GALK2: variants seen among roughly 807,000 people sequenced by gnomAD.
GALK2 encodes N-acetylgalactosamine kinase.
A neutral mutation model predicts 52.4 loss-of-function variants in GALK2; 36 were observed. The ratio of observed to expected loss-of-function variants is 0.69; its 90% CI spans 0.53 to 0.91. GALK2 has a LOEUF of 0.91. Among genes scored for constraint, GALK2 ranks in the 40% least tolerant of loss-of-function variants. The probability of loss-of-function intolerance (pLI) is 0.00; values close to 1 mark genes in which losing one functional copy is unlikely to be tolerated. For synonymous variants in GALK2, 176 were observed against 199.1 expected, an observed-to-expected ratio of 0.88 and a Z score of 0.98; for missense variants, 579 against 559.1, an observed-to-expected ratio of 1.04 and a Z score of -0.36.
intron 5 of GALK2, among the ~76,000 whole-genome samples, chr15:49,254,534 ATATT>A (rs1417432069): frequency 6.9e-6 from 1 of 144,172 alleles, no homozygotes; most frequent in Admixed American, 7.0e-5. Context: ...ATTTGTATTT[ATATT>A]TATTTTCATG....
chr15:49,210,864 A>G (rs1163239307), intron 2 of GALK2, among the ~76,000 whole-genome samples: 1 of 151,914 alleles, frequency 6.6e-6, no homozygotes, highest in African/African-American at 2.4e-5. Flanking sequence ...CTTGTGCTTC[A>G]GCGTCCTGAG....
At chr15:49,181,179 T>C (rs763905852) in intron 1 of GALK2, among the ~76,000 whole-genome samples, 1 of 148,434 alleles carries the variant, frequency 6.7e-6, no homozygotes, top group African/African-American at 2.5e-5. Context: ...GGCACAATTA[T>C]GGCTCACTGC....
intron 2 of GALK2, among the ~76,000 whole-genome samples, chr15:49,208,862 T>C (rs2088554728): frequency 6.6e-6 from 1 of 152,238 alleles, no homozygotes; most frequent in South Asian, 2.1e-4. Flanking sequence ...ATCTTTAGGA[T>C]TGTGATATTT....
chr15:49,195,997 A>T (rs1009780315), intron 1 of GALK2, among the ~76,000 whole-genome samples: 2 of 152,088 alleles, frequency 1.3e-5, no homozygotes, highest in African/African-American at 4.8e-5. Flanking sequence ...TCTGTTTAGT[A>T]GTATTTTCCC....
chr15:49,361,360 A>G (rs1220774529), intron 3 of GALK2, among the ~76,000 whole-genome samples: 1 of 151,788 alleles, frequency 6.6e-6, no homozygotes, highest in Admixed American at 6.6e-5. Flanking sequence ...AATAAGCATA[A>G]TACCCAGTAG....
Position 49,217,225 on chromosome 15 carries a change from C to G in GALK2, c.178C>G (p.Pro60Ala). ...AGATTATTGTGGATATTCTGTTCTT[C>G]CTATGGCTGTAGAACAAGATGTGCT... Reference protein sequence around the residue: ...HIDYCGYSVLPMAVEQDVLIA... With the variant: ...HIDYCGYSVLAMAVEQDVLIA... Residue 60 changes from proline (P) to alanine (A), a missense_variant, in exon 3 of 10, where the codon CCT becomes GCT. Coordinates refer to ENST00000560031, the MANE Select transcript of GALK2 (RefSeq NM_002044.4). 1 of 1,612,228 alleles carries G rather than the reference C, an allele frequency of 6.2e-7. No homozygotes were observed. Among genetic ancestry groups the G allele is most frequent in the Middle Eastern group, 1.7e-4 (1 of 6,060 alleles).
intron 3 of GALK2, among the ~76,000 whole-genome samples, chr15:49,361,178 C>T (rs568257638): frequency 6.6e-6 from 1 of 151,970 alleles, no homozygotes; most frequent in Middle Eastern, 3.2e-3. Flanking sequence ...TAAATATATA[C>T]AATTATAATT....
At chr15:49,169,133 G>A (rs187781917), upstream of GALK2, 1 of 152,262 alleles carries the variant, frequency 6.6e-6, no homozygotes, top group East Asian at 2.0e-4. Flanking sequence ...AAGGGGGAAG[G>A]AAACATGGAG....
intron 5 of GALK2, among the ~76,000 whole-genome samples, chr15:49,280,553 T>C (rs2032537553): frequency 6.6e-6 from 1 of 152,086 alleles, no homozygotes; most frequent in South Asian, 2.1e-4. Context: ...TTAAAGACCT[T>C]GTGTACCATG....
intron 5 of GALK2, among the ~76,000 whole-genome samples, chr15:49,241,662 G>C (rs1021875137): frequency 7.9e-5 from 12 of 152,290 alleles, no homozygotes; most frequent in African/African-American, 2.6e-4. Context: ...AAAAAGTCTG[G>C]TGATGCATAG....
At chr15:49,206,148 G>A (rs960206149) in intron 2 of GALK2, among the ~76,000 whole-genome samples, 1 of 152,086 alleles carries the variant, frequency 6.6e-6, no homozygotes, top group African/African-American at 2.4e-5. Flanking sequence ...TAATGGTATA[G>A]TTTGAAATCA....
At chr15:49,214,390 G>A (rs1446040554) in intron 2 of GALK2, among the ~76,000 whole-genome samples, 1 of 146,738 alleles carries the variant, frequency 6.8e-6, no homozygotes. Context: ...GGATACAGTG[G>A]CGTGATCTCG....
At chr15:49,225,123 A>G (rs942527783) in intron 3 of GALK2, 2 of 439,500 alleles carry the variant, frequency 4.6e-6, no homozygotes, top group Non-Finnish European at 4.6e-6. Flanking sequence ...GAGACAGATG[A>G]CCCTCTCAGC....
chr15:49,269,701 T>C (rs749248169), intron 5 of GALK2, among the ~76,000 whole-genome samples: 5 of 152,196 alleles, frequency 3.3e-5, no homozygotes, highest in Non-Finnish European at 5.9e-5. Context: ...ATGTGCATTT[T>C]TATTCCACTC....
At chr15:49,212,471 A>ATT (rs34385981) in intron 2 of GALK2, among the ~76,000 whole-genome samples, 26 of 151,264 alleles carry the variant, frequency 1.7e-4, no homozygotes, top group African/African-American at 3.2e-4. Flanking sequence ...AATTTCATTG[A>ATT]TTTTTTTTTG....
At position 49,255,138 on chromosome 15, in the gene GALK2, A is replaced by G. The variant is rs1177860144; in HGVS notation, c.504+15771A>G. Among the ~76,000 whole-genome samples, 3 of 143,546 alleles carry G rather than the reference A, an allele frequency of 2.1e-5. 1 individual carries two copies. The highest frequency in any genetic ancestry group is 3.1e-5 in the Non-Finnish European group (2 of 63,930). The allele number at this position is 143,546 out of a possible 152,430, so 94.2% of individuals were successfully genotyped here. A position where few individuals can be genotyped will look rare whatever the true frequency, so the allele number is the denominator to read the frequency against. ...TAACATTGATATAATATTATTATCTAATATGCAGTTCATATTCAAATTTCC... is the reference window on the plus strand; with the variant it reads ...TAACATTGATATAATATTATTATCTGATATGCAGTTCATATTCAAATTTCC... On this transcript the variant is annotated intron_variant, in intron 5 of 9. Transcript: ENST00000560031.
chr15:49,320,975 C>T (rs1044859701), intron 9 of GALK2, among the ~76,000 whole-genome samples: 4 of 152,150 alleles, frequency 2.6e-5, no homozygotes, highest in South Asian at 2.1e-4. Context: ...TTGCCAGCTT[C>T]CTGGAATTCT....
At chr15:49,267,172 A>G (rs2092390270) in intron 5 of GALK2, among the ~76,000 whole-genome samples, 1 of 152,192 alleles carries the variant, frequency 6.6e-6, no homozygotes, top group South Asian at 2.1e-4. Context: ...CTCTGAATAC[A>G]GCATGGCCAA....
chr15:49,299,735 T>TTTCTTTCTTTCTTTCTTTCTTTC (rs1347140534), intron 8 of GALK2, among the ~76,000 whole-genome samples: 7 of 77,572 alleles, frequency 9.0e-5, no homozygotes, highest in African/African-American at 1.7e-4. Flanking sequence ...TCTTTCTTTC[T>TTTCTTTCTTTCTTTCTTTCTTTC]TTTCTTTCTT....
Sources: gnomAD v4.1 joint callset for allele counts (sites outside exome capture counted in the v4.1 genomes callset) on GRCh38, gnomAD v4.1.1 for gene constraint, MANE v1.5 for transcripts, NCBI Gene and HGNC (gene_info 2026-07-23, HGNC 2026-07-21) for gene names.